The following TTN variants were observed in gnomAD, a reference collection of about 807,000 sequenced individuals.
TTN encodes the protein connectin.
TTN carries 1,525 observed loss-of-function variants against 3,223.0 expected under a neutral mutation model. That is an observed-to-expected ratio of 0.47 (90% confidence interval 0.45 to 0.49). The LOEUF is 0.49. TTN is among the 20% of genes least tolerant of loss of function. TTN has a pLI of 0.00. For synonymous variants in TTN, 14,094 were observed against 15,161.0 expected (o/e 0.93, Z 5.17); for missense variants, 40,786 against 43,424.0 (o/e 0.94, Z 5.40).
intron 321 of TTN, 38 bp from the exon 322 acceptor site, chr2:178,578,223 G>A (rs756188370): frequency 1.2e-5 from 19 of 1,555,742 alleles, no homozygotes; most frequent in East Asian, 4.5e-5. Context: ...TATAAATGCA[G>A]CTTGATTTTA....
chr2:178,641,058 G>A (rs2061174140), intron 220 of TTN, among the ~76,000 whole-genome samples, 183 bp downstream of exon 220: 13 of 151,920 alleles, frequency 8.6e-5, no homozygotes. Flanking sequence ...TACATGAATG[G>A]ATTTGGGAAT....
In TTN at chr2:178,664,081, CTT is replaced by C. The variant is rs779066381; in HGVS notation, c.36296_36297del (p.Lys12099ArgfsTer5). The C allele has an allele frequency of 6.2e-7, 1 of 1,611,740 alleles. No individual in the cohort carries two copies. Among genetic ancestry groups the C allele is most frequent in the Non-Finnish European group, 8.5e-7 (1 of 1,179,432 alleles). Reference sequence around the variant, plus strand: ...GACACTTTCTTTTCAGGGATAATCTCTTTGGGAGCTTCGTGCACTTGAAAGAT... The same window carrying C: ...GACACTTTCTTTTCAGGGATAATCTCTGGGAGCTTCGTGCACTTGAAAGAT... ...VVPVKVHEAP[K>X]EIIPEKKVSV... On this transcript the variant is annotated frameshift_variant, in exon 169 of 363. Transcript: ENST00000589042. LOFTEE classifies it high-confidence loss of function.
intron 20 of TTN, 148 bp downstream of exon 20, chr2:178,782,064 A>T: frequency 1.0e-6 from 1 of 957,440 alleles, no homozygotes; most frequent in African/African-American, 1.7e-5. Context: ...TGCACAAAAA[A>T]AATGTAAAAA....
intron 47 of TTN, chr2:178,749,035 C>T: frequency 1.2e-6 from 2 of 1,612,504 alleles, no homozygotes; most frequent in East Asian, 2.2e-5. Flanking sequence ...TATGCTTCAC[C>T]TTTTTCCCCG....
In TTN at chr2:178,624,526, A is replaced by G; in HGVS notation, c.44754T>C (p.Asp14918=). The part of the protein sequence containing the change: ...KLVIHDCTPE[D]IKTYTCDAKD... Reference sequence around the variant, plus strand: ...TAGCATCACAAGTGTATGTTTTAATATCCTCTGGGGTACAGTCATGTATAA... The same window carrying G: ...TAGCATCACAAGTGTATGTTTTAATGTCCTCTGGGGTACAGTCATGTATAA... The change falls in exon 242 of 363, where the codon GAT becomes GAC. Residue 14918 remains aspartate (D), a synonymous_variant. Transcript: ENST00000589042. 2.5e-6 allele frequency: 4 copies of G among 1,612,762 alleles called. No homozygotes were observed. Among genetic ancestry groups the G allele is most frequent in the Non-Finnish European group, 3.4e-6 (4 of 1,179,168 alleles).
In TTN at chr2:178,546,450, G is replaced by A. The variant is rs766615068; in HGVS notation, c.94881C>T (p.Ile31627=). The A allele has an allele frequency of 6.2e-6, 10 of 1,613,556 alleles. No homozygotes were observed. Among genetic ancestry groups the A allele is most frequent in the African/African-American group, 1.3e-5 (1 of 74,894 alleles). ...DARLHGDLVT[I]RAGSDLVLDA... is the part of the protein sequence containing the mutation. ...CCAGAACAAGATCAGAACCTGCTCT[G>A]ATGGTAACCAGATCACCGTGTAATC... The change falls in exon 342 of 363, where the codon ATC becomes ATT. Residue 31627 remains isoleucine, a synonymous_variant. Coordinates refer to ENST00000589042, the MANE Select transcript of TTN (RefSeq NM_001267550.2).
chr2:178,543,593 T>A lies in TTN; in HGVS notation c.96380A>T (p.Glu32127Val). Residue 32127 changes from glutamate to valine, a missense_variant, in exon 347 of 363, where the codon GAA (glutamate) becomes GTA (valine). Glu to Val is a moderately radical substitution (Grantham distance 121). Transcript: ENST00000589042. The part of the protein sequence containing the change: ...VSRDSVTITW[E>V]IPTIDGGAPV... ...AGCTCCACCATCAATCGTGGGAATT[T>A]CCCAAGTTATAGTCACAGAATCTCT... 6.2e-7 allele frequency: 1 copy of A among 1,606,810 alleles called. No homozygotes were observed. Among genetic ancestry groups the A allele is most frequent in the Non-Finnish European group, 8.5e-7 (1 of 1,179,586 alleles).
At chr2:178,766,299 A>C in intron 41 of TTN, 82 bp downstream of exon 41, 8 of 1,154,708 alleles carry the variant, frequency 6.9e-6, no homozygotes, top group Non-Finnish European at 9.2e-6. Flanking sequence ...AATTTCCTTC[A>C]AGTTACAAGA....
Position 178,663,927 on chromosome 2 carries a change from A to G in TTN, c.36365-25T>C, listed in dbSNP as rs776989175. 5.0e-6 allele frequency: 8 copies of G among 1,613,128 alleles called. No individual in the cohort carries two copies. The Admixed American group carries it at 1.0e-4, about 20-fold the overall frequency. On this transcript the variant is annotated intron_variant, in intron 169 of 362. Coordinates refer to ENST00000589042, the MANE Select transcript of TTN (RefSeq NM_001267550.2). ...ACTTGAAAGATATTAGTGAAATTAC[A>G]TTTAGGTGTTATGAAGACCGCTAGA...
chr2:178,721,939 A>G lies in TTN; in HGVS notation c.22724T>C (p.Leu7575Pro). 6.2e-7 allele frequency: 1 copy of G among 1,613,598 alleles called. No homozygotes were observed. Among genetic ancestry groups the G allele is most frequent in the African/African-American group, 1.3e-5 (1 of 75,022 alleles). Residue 7575 changes from leucine to proline, a missense_variant, in exon 78 of 363, where the codon CTT becomes CCT. Leu to Pro is a moderately conservative substitution (Grantham distance 98). Transcript: ENST00000589042. ...CVGNTPHLRILKVGKGDSGQY... is the reference protein window; with the variant it reads ...CVGNTPHLRIPKVGKGDSGQY... ...ACCAGAGTCTCCTTTGCCTACTTTA[A>G]GAATTCTCAAATGAGGAGTGTTTCC...
At position 178,621,517 on chromosome 2, in the gene TTN, G is replaced by A. The variant is rs397517580; in HGVS notation, c.45307C>T (p.Arg15103Ter). The A allele has an allele frequency of 5.0e-6, 8 of 1,612,220 alleles. No homozygotes were observed. Among genetic ancestry groups the A allele is most frequent in the Non-Finnish European group, 5.9e-6 (7 of 1,179,058 alleles). Reference protein sequence around the residue: ...HLEDAGNYNCRLPSSRTDGKV... With the variant: ...HLEDAGNYNC ...CCATCGGTTCGAGAGCTTGGGAGTC[G>A]ACAGTTGTAGTTGCCAGCATCCTCA... The change falls in exon 245 of 363, where the codon CGA (arginine) becomes TGA (stop). Residue 15103 changes from arginine to a stop codon, truncating the protein, a stop_gained. Coordinates refer to ENST00000589042, the MANE Select transcript of TTN (RefSeq NM_001267550.2). LOFTEE classifies it high-confidence loss of function.
At position 178,582,999 on chromosome 2, in the gene TTN, G is replaced by A. The variant is rs571121441; in HGVS notation, c.65804C>T (p.Thr21935Ile). The change falls in exon 313 of 363, where the codon ACC (threonine) becomes ATC (isoleucine). Residue 21935 changes from threonine (T) to isoleucine (I), a missense_variant. Thr to Ile is a moderately conservative substitution (Grantham distance 89). Transcript: ENST00000589042. ...ACCACTTGAATTTTCAGCAGTAATGGTATAGTCTCCTGAGTCCTTCCGGTT... is the reference window on the plus strand; with the variant it reads ...ACCACTTGAATTTTCAGCAGTAATGATATAGTCTCCTGAGTCCTTCCGGTT... ...SVNRKDSGDY[T>I]ITAENSSGSK... The A allele has an allele frequency of 1.1e-5, 18 of 1,589,528 alleles. No individual in the cohort carries two copies. The Admixed American group carries it at 2.2e-4, about 20-fold the overall frequency.
chr2:178,736,219 AC>A (rs2081412551), intron 49 of TTN, 145 bp from the exon 50 acceptor site: 1 of 725,634 alleles, frequency 1.4e-6, no homozygotes, highest in Non-Finnish European at 2.1e-6. Flanking sequence ...GTTAATAAGA[AC>A]AAAAGATTGT....
chr2:178,595,655 TG>T lies in TTN; in HGVS notation c.57698del (p.Pro19233GlnfsTer2). 1 of 1,608,052 alleles carries T rather than the reference TG, an allele frequency of 6.2e-7. No individual in the cohort carries two copies. The highest frequency in any genetic ancestry group is 1.1e-5 in the South Asian group (1 of 89,734). ...KRESDRRAWTPVTYTVTRQNA... is the reference protein window; with the variant it reads ...KRESDRRAWTXVTYTVTRQNA... ...TTTGTCGGGTAACTGTATATGTCAC[TG>T]GGGTCCATGCTCTGCGGTCAGATTC... On this transcript the variant is annotated frameshift_variant, in exon 295 of 363. Transcript: ENST00000589042. LOFTEE classifies it high-confidence loss of function.
intron 38 of TTN, 86 bp from the exon 39 acceptor site, chr2:178,768,241 G>A: frequency 1.4e-6 from 2 of 1,450,664 alleles, no homozygotes; most frequent in Non-Finnish European, 9.5e-7. Context: ...CCAATTTAAA[G>A]TATACAATTC....
intron 270 of TTN, 111 bp downstream of exon 270, chr2:178,610,882 G>T: frequency 7.5e-7 from 1 of 1,327,264 alleles, no homozygotes; most frequent in African/African-American, 1.5e-5. Context: ...GTGACATTTA[G>T]TTTACAAGTG....
rs1424477185 is a variant in TTN, at chr2:178,633,304, C to T, written c.42969G>A (p.Lys14323=). The change falls in exon 233 of 363, where the codon AAG becomes AAA. Residue 14323 remains lysine (K), a synonymous_variant. Coordinates refer to ENST00000589042, the MANE Select transcript of TTN (RefSeq NM_001267550.2). ...TVEARLIKVE[K]PLYGVEVFVG... ...CAAACACCTCTACTCCGTACAGAGG[C>T]TTTTCCACTTTTATTAGTCGAGCTG... 1 of 1,612,910 alleles carries T rather than the reference C, an allele frequency of 6.2e-7. No homozygotes were observed. Among genetic ancestry groups the T allele is most frequent in the East Asian group, 2.2e-5 (1 of 44,800 alleles).
In TTN at chr2:178,751,117, C is replaced by G. The variant is rs200816462; in HGVS notation, c.11311+2007G>C. 393 of 1,612,674 alleles carry G rather than the reference C, an allele frequency of 2.4e-4. 1 individual carries two copies. The highest frequency in any genetic ancestry group is 8.2e-4 in the Middle Eastern group (5 of 6,066). ...CAATACTCTCAGCTGAATGATCTAC[C>G]TTATAACTTTCAGCTAGATCAGACA... On this transcript the variant is annotated intron_variant, in intron 47 of 362. Coordinates refer to ENST00000589042, the MANE Select transcript of TTN (RefSeq NM_001267550.2).
rs774349799 is a variant in TTN, at chr2:178,559,684, G to A, written c.86448C>T (p.Asn28816=). The change falls in exon 326 of 363, where the codon AAC becomes AAT. Residue 28816 remains asparagine, a synonymous_variant. Coordinates refer to ENST00000589042, the MANE Select transcript of TTN (RefSeq NM_001267550.2). ...SRTSLTIENA[N]RNDSGKYTLT... ...ATGTGTACTTTCCAGAGTCATTTCT[G>A]TTGGCATTTTCAATGGTCAGTGATG... The A allele has an allele frequency of 8.7e-6, 14 of 1,610,498 alleles. No individual in the cohort carries two copies. Among genetic ancestry groups the A allele is most frequent in the Non-Finnish European group, 1.1e-5 (13 of 1,178,174 alleles).
Sources: gnomAD v4.1 joint callset for allele counts (sites outside exome capture counted in the v4.1 genomes callset) on GRCh38, gnomAD v4.1.1 for gene constraint, MANE v1.5 for transcripts, NCBI Gene and HGNC (gene_info 2026-07-23, HGNC 2026-07-21) for gene names.